C1QTNF3: variants seen among roughly 807,000 people sequenced by gnomAD.
The protein encoded by C1QTNF3 is complement C1q tumor necrosis factor-related protein 3.
Under a neutral mutation model 32.6 loss-of-function variants are expected in C1QTNF3, and 26 were observed. The ratio of observed to expected loss-of-function variants is 0.80; its 90% CI spans 0.58 to 1.11. The LOEUF (loss-of-function observed/expected upper bound fraction) is 1.11, where lower values mean the gene tolerates loss of function less well. Among genes scored for constraint, C1QTNF3 ranks in the 50% least tolerant of loss-of-function variants. The probability of loss-of-function intolerance (pLI) is 0.00; values close to 1 mark genes in which losing one functional copy is unlikely to be tolerated. For missense variants in C1QTNF3, 362 were observed against 398.2 expected, an observed-to-expected ratio of 0.91 and a Z score of 0.77; for synonymous variants, 155 against 146.0, an observed-to-expected ratio of 1.06 and a Z score of -0.44.
the C1QTNF3 span, among the ~76,000 whole-genome samples, chr5:34,202,426 C>T: frequency 2.6e-5 from 4 of 152,112 alleles, no homozygotes. Flanking sequence ...AATTTTCCCA[C>T]CTATTGTAAG....
the C1QTNF3 span, among the ~76,000 whole-genome samples, chr5:34,237,432 T>C: frequency 6.6e-6 from 1 of 152,238 alleles, no homozygotes; most frequent in Non-Finnish European, 1.5e-5. Context: ...ACATATTTAA[T>C]TATCCTTTAA....
At chr5:34,065,551 C>A in the C1QTNF3 span, among the ~76,000 whole-genome samples, 4 of 152,084 alleles carry the variant, frequency 2.6e-5, no homozygotes, top group African/African-American at 9.7e-5. Context: ...CCTGTAATCC[C>A]AGCTACTAGG....
the C1QTNF3 span, among the ~76,000 whole-genome samples, chr5:34,241,984 G>A: frequency 2.7e-5 from 4 of 147,604 alleles, no homozygotes; most frequent in Admixed American, 6.8e-5. Flanking sequence ...AAGGAAGGAA[G>A]GAAGGAAGGA....
At chr5:34,028,046 C>A (rs1051344898) in intron 4 of C1QTNF3, among the ~76,000 whole-genome samples, 2 of 152,116 alleles carry the variant, frequency 1.3e-5, no homozygotes, top group African/African-American at 4.8e-5. Flanking sequence ...GATCTCCGCT[C>A]ACTGCAAGCT....
the C1QTNF3 span, among the ~76,000 whole-genome samples, chr5:34,133,639 T>TTA: frequency 6.6e-6 from 1 of 152,170 alleles, no homozygotes; most frequent in South Asian, 2.1e-4. Context: ...CATCTCAAGG[T>TTA]TAGAGTTACA....
the C1QTNF3 span, among the ~76,000 whole-genome samples, chr5:34,212,259 T>G: frequency 2.0e-5 from 3 of 152,036 alleles, no homozygotes; most frequent in East Asian, 5.8e-4. Flanking sequence ...TAATTCAAGA[T>G]GGATTAAAGA....
At chr5:34,160,817 A>G in the C1QTNF3 span, among the ~76,000 whole-genome samples, 1 of 152,202 alleles carries the variant, frequency 6.6e-6, no homozygotes, top group East Asian at 1.9e-4. Context: ...AGAGAGACTA[A>G]GAGAGAGGGA....
chr5:34,066,075 C>T, the C1QTNF3 span, among the ~76,000 whole-genome samples: 2 of 152,150 alleles, frequency 1.3e-5, no homozygotes, highest in Non-Finnish European at 2.9e-5. Flanking sequence ...GCTGAATTTT[C>T]CTAGAAGGTC....
At chr5:34,080,667 CT>C in the C1QTNF3 span, among the ~76,000 whole-genome samples, 4 of 151,506 alleles carry the variant, frequency 2.6e-5, 1 homozygote, top group Admixed American at 1.3e-4. Flanking sequence ...TTTCTTTCTT[CT>C]TTTGATTTAT....
chr5:34,193,959 C>T, the C1QTNF3 span, among the ~76,000 whole-genome samples: 1 of 152,310 alleles, frequency 6.6e-6, no homozygotes, highest in African/African-American at 2.4e-5. Context: ...CGAATGGGGT[C>T]ACACAGAATA....
chr5:34,142,141 AAC>A, the C1QTNF3 span, among the ~76,000 whole-genome samples: 6 of 152,116 alleles, frequency 3.9e-5, no homozygotes, highest in African/African-American at 1.4e-4. Flanking sequence ...TAATAAAAGA[AAC>A]AGAGGCAGCT....
At chr5:34,120,694 CTCT>C in the C1QTNF3 span, among the ~76,000 whole-genome samples, 1 of 152,164 alleles carries the variant, frequency 6.6e-6, no homozygotes, top group Non-Finnish European at 1.5e-5. Flanking sequence ...TGAACAAGTT[CTCT>C]TCTTTTGTCT....
chr5:34,041,472 A>G (rs1754870080), intron 1 of C1QTNF3, among the ~76,000 whole-genome samples: 2 of 152,218 alleles, frequency 1.3e-5, no homozygotes, highest in South Asian at 4.1e-4. Flanking sequence ...TCTGTTGGCC[A>G]AGAAGGATAC....
At chr5:34,217,160 T>A in the C1QTNF3 span, among the ~76,000 whole-genome samples, 3 of 152,168 alleles carry the variant, frequency 2.0e-5, no homozygotes, top group East Asian at 5.8e-4. Context: ...TGCAACCTTT[T>A]AGAGTGCTAT....
the C1QTNF3 span, among the ~76,000 whole-genome samples, chr5:34,123,877 A>C: frequency 1.3e-5 from 2 of 152,184 alleles, no homozygotes; most frequent in Admixed American, 1.3e-4. Context: ...GTATGTGTTT[A>C]ATTTTTTTCC....
the C1QTNF3 span, among the ~76,000 whole-genome samples, chr5:34,120,943 G>A: frequency 6.6e-6 from 1 of 152,138 alleles, no homozygotes; most frequent in Non-Finnish European, 1.5e-5. Context: ...TTCCTGCATT[G>A]AGAAATTTTA....
the C1QTNF3 span, among the ~76,000 whole-genome samples, chr5:34,083,507 T>A: frequency 1.2e-5 from 1 of 84,120 alleles, no homozygotes; most frequent in Non-Finnish European, 2.4e-5. Context: ...GTAATGAATT[T>A]GTAAAAAAAA....
chr5:34,216,867 C>G, the C1QTNF3 span, among the ~76,000 whole-genome samples: 3 of 152,194 alleles, frequency 2.0e-5, no homozygotes, highest in East Asian at 3.9e-4. Flanking sequence ...TGCATTGCCA[C>G]TAGAATTGTG....
At chr5:34,056,459 T>TGC in the C1QTNF3 span, among the ~76,000 whole-genome samples, 2 of 91,766 alleles carry the variant, frequency 2.2e-5, no homozygotes, top group African/African-American at 8.9e-5. Flanking sequence ...TGTGTGTATA[T>TGC]ATATATATAT....
Sources: allele counts gnomAD v4.1 joint callset (sites outside exome capture counted in the v4.1 genomes callset), GRCh38; gene constraint gnomAD v4.1.1; transcripts MANE v1.5; gene names NCBI Gene and HGNC (gene_info 2026-07-23, HGNC 2026-07-21).